Variants in IFT122 observed in about 807,000 individuals in gnomAD.
The protein encoded by IFT122 is intraflagellar transport protein 122 homolog.
A neutral mutation model predicts 161.6 loss-of-function variants in IFT122; 118 were observed. The observed-to-expected ratio is 0.73, with a 90% CI of 0.63 to 0.85. The LOEUF is 0.85. IFT122 is among the 40% of genes least tolerant of loss of function. The pLI is 0.00. For synonymous variants in IFT122, 550 were observed against 602.4 expected (o/e 0.91, Z 1.27); for missense variants, 1,381 against 1,579.6 (o/e 0.87, Z 2.13).
chr3:129,462,788 C>T (rs778653148), intron 5 of IFT122, among the ~76,000 whole-genome samples: 6 of 152,166 alleles, frequency 3.9e-5, no homozygotes, highest in Non-Finnish European at 8.8e-5. Context: ...CATACACTTG[C>T]TATGAGGCAC....
intron 21 of IFT122, among the ~76,000 whole-genome samples, 153 bp from the exon 22 acceptor site, chr3:129,506,256 G>T (rs2082176536): frequency 6.6e-6 from 1 of 152,206 alleles, no homozygotes; most frequent in Non-Finnish European, 1.5e-5. Context: ...GTTATTTAGA[G>T]AAGCGCCATC....
At chr3:129,486,693 G>A (rs531211047) in intron 15 of IFT122, among the ~76,000 whole-genome samples, 1 of 152,316 alleles carries the variant, frequency 6.6e-6, no homozygotes, top group South Asian at 2.1e-4. Context: ...TGAGGAGCTG[G>A]TGCTGAGAAA....
At chr3:129,472,332 A>AT (rs1559896127) in intron 9 of IFT122, among the ~76,000 whole-genome samples, 5 of 151,368 alleles carry the variant, frequency 3.3e-5, no homozygotes, top group Admixed American at 6.6e-5. Flanking sequence ...TAAAAAAAAA[A>AT]ATTTTTTTTT....
At position 129,483,479 on chromosome 3, in the gene IFT122, C is replaced by T. The variant is rs760196301; in HGVS notation, c.1654-6C>T. ...TCACAGGATCCCCACTGTCCCTGTT[C>T]CCCAGGAACCAAACGCCAACAGTGT... is the stretch of plus-strand genomic sequence containing the variant. On this transcript the variant is annotated splice_region_variant and splice_polypyrimidine_tract_variant and intron_variant, in intron 14 of 29. Coordinates refer to ENST00000348417, the MANE Select transcript of IFT122 (RefSeq NM_052989.3). The T allele has an allele frequency of 6.2e-7, 1 of 1,613,800 alleles. No individual in the cohort carries two copies. The highest frequency in any genetic ancestry group is 1.1e-5 in the South Asian group (1 of 91,010).
intron 17 of IFT122, 26 bp from the exon 18 acceptor site, chr3:129,495,420 A>G: frequency 1.2e-6 from 2 of 1,613,648 alleles, no homozygotes; most frequent in South Asian, 1.1e-5. Context: ...TGCAGAGGCC[A>G]TTTCCTTTGC....
At chr3:129,487,941 G>A (rs1301693854) in intron 15 of IFT122, 9 of 435,240 alleles carry the variant, frequency 2.1e-5, no homozygotes, top group Admixed American at 3.5e-5. Flanking sequence ...TTTTCCAGAG[G>A]CAGAGTGGGG....
chr3:129,488,692 G>A (rs1435180968), intron 16 of IFT122, among the ~76,000 whole-genome samples: 2 of 152,014 alleles, frequency 1.3e-5, no homozygotes, highest in African/African-American at 4.8e-5. Context: ...TCAGATTCTG[G>A]CTGTCACTCT....
At chr3:129,462,837 G>GGT (rs970903448) in intron 5 of IFT122, among the ~76,000 whole-genome samples, 4 of 152,180 alleles carry the variant, frequency 2.6e-5, no homozygotes, top group African/African-American at 9.7e-5. Flanking sequence ...GCAAGCCTTA[G>GGT]GTGACCAGTG....
At chr3:129,461,085 T>C in intron 4 of IFT122, 143 bp from the exon 5 acceptor site, 1 of 936,046 alleles carries the variant, frequency 1.1e-6, no homozygotes, top group Non-Finnish European at 1.7e-6. Flanking sequence ...GGAGAATTAA[T>C]TTCTGTGCTT....
intron 1 of IFT122, among the ~76,000 whole-genome samples, chr3:129,442,720 A>C (rs1371312605): frequency 6.6e-6 from 1 of 152,138 alleles, no homozygotes; most frequent in Non-Finnish European, 1.5e-5. Context: ...CTGTTTTTTT[A>C]AGACCTGCTG....
intron 9 of IFT122, among the ~76,000 whole-genome samples, chr3:129,475,496 A>G (rs575334954): frequency 1.3e-4 from 20 of 152,332 alleles, no homozygotes; most frequent in African/African-American, 4.8e-4. Flanking sequence ...TGCAAAAAAT[A>G]CAAAAATTAG....
At chr3:129,461,622 T>G in intron 5 of IFT122, 1 of 419,180 alleles carries the variant, frequency 2.4e-6, no homozygotes. Flanking sequence ...TTGCTGCCTC[T>G]GGGAAGCCTT....
At chr3:129,458,488 A>G (rs2075796265) in intron 3 of IFT122, 111 bp from the exon 4 acceptor site, 1 of 924,258 alleles carries the variant, frequency 1.1e-6, no homozygotes. Context: ...GAACTAGGAA[A>G]GAAGCTAACA....
intron 18 of IFT122, among the ~76,000 whole-genome samples, chr3:129,496,735 A>G (rs1046966575): frequency 5.3e-5 from 8 of 152,006 alleles, no homozygotes; most frequent in Non-Finnish European, 1.0e-4. Flanking sequence ...CGTACCTGAG[A>G]CCCAGGGTGT....
chr3:129,461,199 A>G (rs1163015668), intron 4 of IFT122, 29 bp from the exon 5 acceptor site: 2 of 1,547,148 alleles, frequency 1.3e-6, no homozygotes, highest in East Asian at 2.2e-5. Context: ...GGTTTGCTGC[A>G]TAGTAATCTA....
At chr3:129,519,248 T>C in intron 28 of IFT122, 62 bp downstream of exon 28, 2 of 1,416,368 alleles carry the variant, frequency 1.4e-6, no homozygotes, top group South Asian at 2.3e-5. Flanking sequence ...CCTGTGCACA[T>C]GGGGACCCTC....
At position 129,512,400 on chromosome 3, in the gene IFT122, G is replaced by A. The variant is rs2082940061; in HGVS notation, c.2975G>A (p.Gly992Asp). The change falls in exon 24 of 30, where the codon GGC becomes GAC. Residue 992 changes from glycine to aspartate, a missense_variant. Physicochemically the swap from Gly to Asp is moderately conservative, Grantham distance 94. Around this residue, in one of 7 missense-constraint regions of IFT122, gnomAD observed 496 missense variants for 502.5 expected, o/e 0.99. Coordinates refer to ENST00000348417, the MANE Select transcript of IFT122 (RefSeq NM_052989.3). ...LHSLPKDTPS[G>D]ISKVKILFTL... ...AGCCTGCCCAAGGACACCCCCTCGG[G>A]CATCTCTAAAGTGTATCCTTTCTCT... 6.2e-7 allele frequency: 1 copy of A among 1,609,794 alleles called. No homozygotes were observed. Among genetic ancestry groups the A allele is most frequent in the Non-Finnish European group, 8.5e-7 (1 of 1,176,082 alleles).
intron 6 of IFT122, 92 bp downstream of exon 6, chr3:129,463,718 G>A (rs1034606249): frequency 1.0e-4 from 109 of 1,076,306 alleles, no homozygotes; most frequent in Non-Finnish European, 4.5e-5. Flanking sequence ...AGAAGGTCTT[G>A]TGTTAGGTAG....
At chr3:129,481,838 A>G in intron 14 of IFT122, 144 bp downstream of exon 14, 1 of 845,484 alleles carries the variant, frequency 1.2e-6, no homozygotes. Context: ...ACAGAGTCCC[A>G]GAGGCCCTGG....
Sources: allele counts gnomAD v4.1 joint callset (sites outside exome capture counted in the v4.1 genomes callset), GRCh38; gene constraint gnomAD v4.1.1; regional missense constraint gnomAD v4.1.1; transcripts MANE v1.5; gene names NCBI Gene and HGNC (gene_info 2026-07-23, HGNC 2026-07-21).